Variants in KHDRBS2 observed in about 807,000 individuals in gnomAD.
KHDRBS2 encodes KH RNA binding domain containing, signal transduction associated 2, also known as KH domain-containing, RNA-binding, signal transduction-associated protein 2.
Under a neutral mutation model 44.3 loss-of-function variants are expected in KHDRBS2, and 26 were observed. The ratio of observed to expected loss-of-function variants is 0.59; its 90% CI spans 0.43 to 0.81. The LOEUF is 0.81. Ranked by LOEUF, KHDRBS2 falls within the 40% of genes least tolerant of loss-of-function variation. The pLI, the probability that KHDRBS2 is intolerant of heterozygous loss-of-function variation, is 0.00. For synonymous variants in KHDRBS2, 194 were observed against 151.1 expected, an observed-to-expected ratio of 1.28 and a Z score of -2.08; for missense variants, 476 against 433.1, an observed-to-expected ratio of 1.10 and a Z score of -0.88.
chr6:62,185,269 C>A (rs1278197069), intron 1 of KHDRBS2, among the ~76,000 whole-genome samples: 2 of 151,966 alleles, frequency 1.3e-5, no homozygotes, highest in Middle Eastern at 3.4e-3. Flanking sequence ...AAATTATACC[C>A]TAAACCTGTG....
intron 2 of KHDRBS2, among the ~76,000 whole-genome samples, chr6:62,128,585 T>C (rs1312019781): frequency 1.3e-5 from 2 of 152,054 alleles, no homozygotes; most frequent in African/African-American, 4.8e-5. Context: ...TTGAATATTC[T>C]CTTTTTATGG....
chr6:61,640,344 A>T, the KHDRBS2 span, among the ~76,000 whole-genome samples: 1 of 152,132 alleles, frequency 6.6e-6, no homozygotes, highest in South Asian at 2.1e-4. Context: ...ATGCCGTAGA[A>T]TAATCTTTCA....
chr6:62,160,108 C>T (rs772008379), intron 2 of KHDRBS2, among the ~76,000 whole-genome samples: 1 of 152,088 alleles, frequency 6.6e-6, no homozygotes, highest in Non-Finnish European at 1.5e-5. Context: ...ATGAACTTGC[C>T]ATTTTGCAAC....
chr6:62,066,028 A>G (rs1413168872), intron 2 of KHDRBS2, among the ~76,000 whole-genome samples: 1 of 151,592 alleles, frequency 6.6e-6, no homozygotes, highest in African/African-American at 2.4e-5. Flanking sequence ...CTGTGTGGAG[A>G]GTCCTTAAAT....
At chr6:61,906,007 C>G (rs113438856) in intron 4 of KHDRBS2, among the ~76,000 whole-genome samples, 10,189 of 151,788 alleles carry the variant, frequency 0.067, 398 homozygotes, top group Middle Eastern at 0.13. Context: ...ACCACCACGC[C>G]TGGGTAATTT....
At chr6:62,125,800 G>A (rs769106177) in intron 2 of KHDRBS2, among the ~76,000 whole-genome samples, 2 of 152,084 alleles carry the variant, frequency 1.3e-5, no homozygotes, top group African/African-American at 2.4e-5. Flanking sequence ...TTCTTCACCC[G>A]CTGACTAAAG....
chr6:61,756,169 T>C (rs1192464752), intron 6 of KHDRBS2, among the ~76,000 whole-genome samples: 1 of 152,192 alleles, frequency 6.6e-6, no homozygotes, highest in Non-Finnish European at 1.5e-5. Flanking sequence ...GACTCACAGA[T>C]ATAATAATTG....
intron 2 of KHDRBS2, among the ~76,000 whole-genome samples, chr6:62,106,386 G>T (rs1323577452): frequency 1.3e-5 from 2 of 152,088 alleles, no homozygotes; most frequent in African/African-American, 4.8e-5. Flanking sequence ...GGGTGTTAAA[G>T]TCTCCCATTA....
chr6:61,679,725 C>T (rs879785720), downstream of KHDRBS2, among the ~76,000 whole-genome samples: 5 of 151,916 alleles, frequency 3.3e-5, no homozygotes, highest in South Asian at 4.1e-4. Context: ...ATAAACTACG[C>T]GAATGAAGTC....
At chr6:62,009,700 A>G (rs1381728535) in intron 3 of KHDRBS2, among the ~76,000 whole-genome samples, 2 of 152,180 alleles carry the variant, frequency 1.3e-5, no homozygotes, top group Admixed American at 1.3e-4. Context: ...TGTGGCTGAA[A>G]GGGGTCAAAG....
intron 2 of KHDRBS2, among the ~76,000 whole-genome samples, chr6:62,099,473 T>A (rs563668886): frequency 2.6e-5 from 4 of 152,256 alleles, no homozygotes; most frequent in Admixed American, 2.6e-4. Context: ...TGTTGTTCCC[T>A]AGAGGAGGGC....
chr6:61,744,334 G>T (rs1381117240), intron 6 of KHDRBS2, among the ~76,000 whole-genome samples: 2 of 152,052 alleles, frequency 1.3e-5, no homozygotes. Flanking sequence ...GGGTTATATT[G>T]CAGGGTAGGA....
At chr6:62,195,846 C>T (rs1049804017) in intron 1 of KHDRBS2, among the ~76,000 whole-genome samples, 2 of 151,958 alleles carry the variant, frequency 1.3e-5, no homozygotes, top group African/African-American at 4.8e-5. Flanking sequence ...GAACACTGAG[C>T]CCTGTTTCAC....
Position 62,091,493 on chromosome 6 carries a change from T to C in KHDRBS2, c.220-43499A>G, listed in dbSNP as rs527727254. 1.1e-4 allele frequency among the ~76,000 whole-genome samples: 17 copies of C among 152,276 alleles called. No homozygotes were observed. The South Asian group carries it at 1.5e-3, about 13-fold the overall frequency. On this transcript the variant is annotated intron_variant, in intron 2 of 8. Coordinates refer to ENST00000281156, the MANE Select transcript of KHDRBS2 (RefSeq NM_152688.4). ...AAATGGGGCAGTCATTCCACAGTGA[T>C]TGTAGTTGTTGACAAGTTTCATTTT...
the KHDRBS2 span, among the ~76,000 whole-genome samples, chr6:61,614,024 C>T: frequency 9.2e-5 from 14 of 152,270 alleles, no homozygotes; most frequent in African/African-American, 3.4e-4. Flanking sequence ...AGTATTTTAA[C>T]CCAGAAATGG....
chr6:61,998,552 TTCTTTA>T (rs1777649859), intron 3 of KHDRBS2, among the ~76,000 whole-genome samples: 1 of 152,174 alleles, frequency 6.6e-6, no homozygotes, highest in African/African-American at 2.4e-5. Flanking sequence ...ACACGTTTTC[TTCTTTA>T]TCTTTATTTT....
Position 61,690,642 on chromosome 6 carries a change from C to T in KHDRBS2, c.952+6553G>A, listed in dbSNP as rs544069246. On this transcript the variant is annotated intron_variant, in intron 8 of 8. Transcript: ENST00000281156. ...TTATGTTTATTACTACTTAAACTTACAGTTTTTATAAAGTGGACTTAAAAT... is the reference window on the plus strand; with the variant it reads ...TTATGTTTATTACTACTTAAACTTATAGTTTTTATAAAGTGGACTTAAAAT... 5.3e-5 allele frequency among the ~76,000 whole-genome samples: 8 copies of T among 152,114 alleles called. No homozygotes were observed. In the East Asian group the frequency reaches 1.6e-3, roughly 30 times the overall value.
chr6:61,877,437 TTTTTTGTTTTTG>T (rs926235056), intron 6 of KHDRBS2, among the ~76,000 whole-genome samples: 30 of 151,470 alleles, frequency 2.0e-4, no homozygotes, highest in Admixed American at 1.4e-3. Context: ...AGAAAGTTTT[TTTTTTGTTTTTG>T]TTTTTGTTTT....
At chr6:61,757,643 G>A (rs957798150) in intron 6 of KHDRBS2, among the ~76,000 whole-genome samples, 10 of 151,960 alleles carry the variant, frequency 6.6e-5, no homozygotes, top group Admixed American at 4.6e-4. Context: ...CCATTTGTTT[G>A]TTCTTCCGTT....
Sources: gnomAD v4.1 joint callset for allele counts (sites outside exome capture counted in the v4.1 genomes callset) on GRCh38, gnomAD v4.1.1 for gene constraint, MANE v1.5 for transcripts, NCBI Gene and HGNC (gene_info 2026-07-23, HGNC 2026-07-21) for gene names.